The following FHOD3 variants were observed in gnomAD, a reference collection of about 807,000 sequenced individuals.
FHOD3 encodes the protein formin homology 2 domain containing 3, also known as FH1/FH2 domain-containing protein 3.
A neutral mutation model predicts 173.0 loss-of-function variants in FHOD3; 90 were observed. The observed-to-expected ratio is 0.52, with a 90% CI of 0.44 to 0.62. The LOEUF is 0.62. FHOD3 is among the 20% of genes least tolerant of loss of function. The probability of loss-of-function intolerance (pLI) is 0.00; values close to 1 mark genes in which losing one functional copy is unlikely to be tolerated. For synonymous variants in FHOD3, 828 were observed against 823.0 expected (o/e 1.01, Z -0.10); for missense variants, 1,945 against 2,034.7 (o/e 0.96, Z 0.85).
chr18:36,552,889 C>T (rs1444231745), intron 5 of FHOD3, among the ~76,000 whole-genome samples: 4 of 152,136 alleles, frequency 2.6e-5, no homozygotes, highest in South Asian at 2.1e-4. Flanking sequence ...GCATCCCTGT[C>T]TTGTGCCAGT....
intron 9 of FHOD3, among the ~76,000 whole-genome samples, chr18:36,618,220 AT>A (rs1401764824): frequency 1.4e-5 from 2 of 138,200 alleles, no homozygotes; most frequent in African/African-American, 2.7e-5. Context: ...ATTTTTCTGG[AT>A]TTTTGAGTTG....
At chr18:36,362,951 A>G (rs1199236058) in intron 2 of FHOD3, among the ~76,000 whole-genome samples, 1 of 152,272 alleles carries the variant, frequency 6.6e-6, no homozygotes, top group Non-Finnish European at 1.5e-5. Flanking sequence ...AAATTTAATA[A>G]GAAAACAACC....
chr18:36,752,841 G>T (rs888950803), intron 24 of FHOD3, among the ~76,000 whole-genome samples: 2 of 152,166 alleles, frequency 1.3e-5, no homozygotes, highest in Non-Finnish European at 2.9e-5. Flanking sequence ...TTAGAATGAG[G>T]TGAAGTGGTT....
Position 36,612,077 on chromosome 18 carries a change from G to A in FHOD3, c.939G>A (p.Glu313=), listed in dbSNP as rs986961101. The A allele has an allele frequency of 8.1e-6, 13 of 1,613,754 alleles. No homozygotes were observed. The highest frequency in any genetic ancestry group is 1.6e-4 in the Middle Eastern group (1 of 6,080). The change falls in exon 9 of 29, where the codon GAG becomes GAA. Residue 313 remains glutamate (E), a synonymous_variant. Coordinates refer to ENST00000590592, the MANE Select transcript of FHOD3 (RefSeq NM_001281740.3). ...AAGGGACTGACCTGGACTTAGTGGA[G>A]CAACTCAACATTTATGAGGTACCAG... The part of the protein sequence containing the change: ...NKKGTDLDLV[E]QLNIYEVALR...
At chr18:36,344,286 G>A (rs2045777449) in intron 1 of FHOD3, among the ~76,000 whole-genome samples, 1 of 152,148 alleles carries the variant, frequency 6.6e-6, no homozygotes, top group Non-Finnish European at 1.5e-5. Context: ...GTAAATCTAA[G>A]TGAATATTGA....
At chr18:36,382,799 A>AT (rs5824010) in intron 3 of FHOD3, among the ~76,000 whole-genome samples, 115,486 of 152,126 alleles carry the variant, frequency 0.76, 45,455 homozygotes, top group East Asian at 0.99. Flanking sequence ...GACTGTCTCT[A>AT]TATTTTGACT....
chr18:36,679,756 T>C (rs186295034), intron 14 of FHOD3, among the ~76,000 whole-genome samples: 21 of 152,342 alleles, frequency 1.4e-4, no homozygotes, highest in African/African-American at 5.1e-4. Flanking sequence ...GTAGCTCGTG[T>C]GAAACCAGTT....
chr18:36,491,007 C>T (rs1010143665), intron 3 of FHOD3, among the ~76,000 whole-genome samples: 1 of 152,182 alleles, frequency 6.6e-6, no homozygotes, highest in Non-Finnish European at 1.5e-5. Context: ...ACACCAGGCA[C>T]CTACCCCAGC....
At chr18:36,577,227 C>A (rs766284666) in intron 6 of FHOD3, among the ~76,000 whole-genome samples, 3 of 152,094 alleles carry the variant, frequency 2.0e-5, no homozygotes, top group Non-Finnish European at 4.4e-5. Flanking sequence ...TCCGAGATTA[C>A]CTTTCAGCTC....
intron 8 of FHOD3, among the ~76,000 whole-genome samples, chr18:36,607,495 G>A (rs2062145070): frequency 6.6e-6 from 1 of 152,188 alleles, no homozygotes; most frequent in Non-Finnish European, 1.5e-5. Flanking sequence ...TCGTCTTGGT[G>A]AATAACGCTG....
At chr18:36,667,430 AG>A (rs2037252713) in intron 14 of FHOD3, among the ~76,000 whole-genome samples, 1 of 152,338 alleles carries the variant, frequency 6.6e-6, no homozygotes, top group African/African-American at 2.4e-5. Flanking sequence ...AAACAAAGAT[AG>A]AGACATTGAA....
At chr18:36,525,258 A>C (rs1369197059) in intron 5 of FHOD3, among the ~76,000 whole-genome samples, 1 of 152,222 alleles carries the variant, frequency 6.6e-6, no homozygotes, top group African/African-American at 2.4e-5. Context: ...GGGCCTAAAT[A>C]GATGAATCCC....
In FHOD3 at chr18:36,723,481, TTGTGACATCTG is replaced by T. The variant is rs1349950911; in HGVS notation, c.3417+4770_3417+4780del. On this transcript the variant is annotated intron_variant, in intron 19 of 28. Coordinates refer to ENST00000590592, the MANE Select transcript of FHOD3 (RefSeq NM_001281740.3). ...GGAAAATTCCATAGTTGTCACATCTTTGTGACATCTGTGTCATTGCATCCTTGTAACTGTCA... is the reference window on the plus strand; with the variant it reads ...GGAAAATTCCATAGTTGTCACATCTTTGTCATTGCATCCTTGTAACTGTCA... Among the ~76,000 whole-genome samples the T allele has an allele frequency of 2.6e-5, 4 of 152,318 alleles. 1 individual carries two copies. Among genetic ancestry groups the T allele is most frequent in the African/African-American group, 9.6e-5 (4 of 41,572 alleles).
intron 9 of FHOD3, among the ~76,000 whole-genome samples, chr18:36,621,822 G>T (rs1402988280): frequency 2.0e-5 from 3 of 152,156 alleles, no homozygotes; most frequent in East Asian, 3.8e-4. Context: ...ATATGATCCA[G>T]CAGTCCCACT....
chr18:36,405,538 T>C (rs2049014101), intron 3 of FHOD3, among the ~76,000 whole-genome samples: 1 of 152,212 alleles, frequency 6.6e-6, no homozygotes, highest in Non-Finnish European at 1.5e-5. Flanking sequence ...CCTACATTAT[T>C]TTATGGGTGT....
intron 16 of FHOD3, among the ~76,000 whole-genome samples, chr18:36,687,435 T>C (rs2038696221): frequency 6.6e-6 from 1 of 152,200 alleles, no homozygotes; most frequent in Non-Finnish European, 1.5e-5. Flanking sequence ...ACATAGGGCA[T>C]ATATTTGAAA....
At chr18:36,439,569 A>G (rs73947115) in intron 3 of FHOD3, among the ~76,000 whole-genome samples, 357 of 123,480 alleles carry the variant, frequency 2.9e-3, no homozygotes, top group African/African-American at 8.6e-3. Flanking sequence ...GTGTGTGTGT[A>G]TGTATGTAGT....
chr18:36,725,235 G>A (rs1166596587), intron 19 of FHOD3, among the ~76,000 whole-genome samples: 1 of 152,106 alleles, frequency 6.6e-6, no homozygotes, highest in Non-Finnish European at 1.5e-5. Flanking sequence ...TTCTTTTATC[G>A]ACAAATTAAG....
At chr18:36,587,438 C>T (rs1408983217) in intron 6 of FHOD3, among the ~76,000 whole-genome samples, 1 of 152,170 alleles carries the variant, frequency 6.6e-6, no homozygotes, top group African/African-American at 2.4e-5. Context: ...TTCACTTGGT[C>T]ATGTAGGCGA....
Sources: allele counts gnomAD v4.1 joint callset (sites outside exome capture counted in the v4.1 genomes callset), GRCh38; gene constraint gnomAD v4.1.1; transcripts MANE v1.5; gene names NCBI Gene and HGNC (gene_info 2026-07-23, HGNC 2026-07-21).